TRIM2: variants seen among roughly 807,000 people sequenced by gnomAD.
The protein encoded by TRIM2 is tripartite motif-containing protein 2.
A neutral mutation model predicts 75.2 loss-of-function variants in TRIM2; 20 were observed. The observed-to-expected ratio is 0.27, with a 90% CI of 0.19 to 0.39. The LOEUF (loss-of-function observed/expected upper bound fraction) is 0.39. TRIM2 is among the 10% of genes least tolerant of loss of function. The probability of loss-of-function intolerance (pLI) is 1.00; values close to 1 mark genes in which losing one functional copy is unlikely to be tolerated. For synonymous variants in TRIM2, 373 were observed against 388.3 expected (o/e 0.96, Z 0.46); for missense variants, 660 against 990.8 (o/e 0.67, Z 4.48).
At chr4:153,169,384 T>C (rs1730623562) in intron 1 of TRIM2, among the ~76,000 whole-genome samples, 1 of 152,220 alleles carries the variant, frequency 6.6e-6, no homozygotes, top group South Asian at 2.1e-4. Context: ...TTTGCTTTAT[T>C]TAACAGTTCC....
intron 1 of TRIM2, among the ~76,000 whole-genome samples, chr4:153,268,322 T>C (rs188940545): frequency 9.7e-4 from 147 of 152,148 alleles, no homozygotes; most frequent in African/African-American, 3.3e-3. Flanking sequence ...AAAGGGAGAC[T>C]GGTCCTTAGG....
Position 153,338,893 on chromosome 4 carries a change from G to A in TRIM2, c.*3927G>A. The A allele has an allele frequency of 1.0e-6, 1 of 984,780 alleles. No homozygotes were observed. The highest frequency in any genetic ancestry group is 1.2e-6 in the Non-Finnish European group (1 of 829,708). The allele number at this position is 984,780 out of a possible 1,614,324, so 61.0% of individuals were successfully genotyped here. The stretch of plus-strand genomic sequence containing the variant: ...ATCAATGGAGTGTATTCTTGTAATA[G>A]AATTCTTTATATCGTTCTCAATTCT... On this transcript the variant is annotated 3_prime_UTR_variant, in exon 12 of 12. Transcript: ENST00000338700.
rs745973166 is a variant in TRIM2, at chr4:153,295,706, G to A, written c.1180G>A (p.Ala394Thr). 1.2e-6 allele frequency: 2 copies of A among 1,613,874 alleles called. No homozygotes were observed. Among genetic ancestry groups the A allele is most frequent in the Non-Finnish European group, 1.7e-6 (2 of 1,179,920 alleles). ...CAAAACCGGCAACGCCTACCTCACC[G>A]CCGAACTGAGCACCCCCGACGGGAG... The part of the protein sequence containing the change: ...LCKTGNAYLT[A>T]ELSTPDGSVA... Residue 394 changes from alanine to threonine, a missense_variant, in exon 6 of 12, where the codon GCC becomes ACC. Transcript: ENST00000338700. This position sits in a 1 kb window ranked among gnomAD's most constrained non-coding sequence, Gnocchi z 7.2.
chr4:153,243,950 C>T (rs945039743), intron 1 of TRIM2, among the ~76,000 whole-genome samples: 8 of 151,886 alleles, frequency 5.3e-5, no homozygotes, highest in Non-Finnish European at 1.2e-4. Context: ...TCCCAAGTAG[C>T]TGGGACCACA....
chr4:153,280,851 A>T lies in TRIM2; in HGVS notation c.453+4721A>T, dbSNP rs146948809. Among the ~76,000 whole-genome samples the T allele has an allele frequency of 2.9e-3, 446 of 152,056 alleles. 2 individuals carry two copies. Among genetic ancestry groups the T allele is most frequent in the African/African-American group, 9.6e-3 (399 of 41,486 alleles). On this transcript the variant is annotated intron_variant, in intron 3 of 11. Transcript: ENST00000338700. ...AGATGCCCGCCACCAAACTTGGCTA[A>T]TTTTTTGTGTTTTTAGTAGAGATGG... is the stretch of plus-strand genomic sequence containing the variant.
chr4:153,284,170 C>T (rs1348940894), intron 3 of TRIM2, among the ~76,000 whole-genome samples: 3 of 148,952 alleles, frequency 2.0e-5, no homozygotes, highest in Admixed American at 6.7e-5. Context: ...TAAGCCATTG[C>T]GCCTGGCCTG....
chr4:153,292,105 A>G (rs1016599423), intron 3 of TRIM2, among the ~76,000 whole-genome samples: 2 of 152,202 alleles, frequency 1.3e-5, no homozygotes, highest in African/African-American at 4.8e-5. Context: ...TTCAAGGTCA[A>G]TACTATATTC....
At chr4:153,166,579 T>A (rs1231792513) in intron 1 of TRIM2, among the ~76,000 whole-genome samples, 1 of 149,934 alleles carries the variant, frequency 6.7e-6, no homozygotes, top group Non-Finnish European at 1.5e-5. Context: ...GAGGTCTCAC[T>A]CCACCACCCA....
chr4:153,305,224 TG>T (rs1764723428), intron 6 of TRIM2, among the ~76,000 whole-genome samples: 1 of 152,226 alleles, frequency 6.6e-6, no homozygotes, highest in South Asian at 2.1e-4. Context: ...GTGCAATTTT[TG>T]GTAAGTTGCT....
chr4:153,175,668 T>G (rs1731362294), intron 1 of TRIM2, among the ~76,000 whole-genome samples: 1 of 152,192 alleles, frequency 6.6e-6, no homozygotes, highest in African/African-American at 2.4e-5. Context: ...TTTCTCCTCT[T>G]TCTTTTTACA....
chr4:153,336,945 G>A lies in TRIM2; in HGVS notation c.*1979G>A. The stretch of plus-strand genomic sequence containing the variant: ...GAAGACACTGTTTCCTAACATCAGT[G>A]AGATACATCTTTGAATTTAAACATT... On this transcript the variant is annotated 3_prime_UTR_variant, in exon 12 of 12. Coordinates refer to ENST00000338700, the MANE Select transcript of TRIM2 (RefSeq NM_015271.5). 1.0e-6 allele frequency: 1 copy of A among 984,350 alleles called. No individual in the cohort carries two copies. Among genetic ancestry groups the A allele is most frequent in the Non-Finnish European group, 1.2e-6 (1 of 828,986 alleles). The allele number at this position is 984,350 out of a possible 1,614,324, so 61.0% of individuals were successfully genotyped here. A position where few individuals can be genotyped will look rare whatever the true frequency, so the allele number is the denominator to read the frequency against.
chr4:153,281,543 A>G (rs1201624282), intron 3 of TRIM2, among the ~76,000 whole-genome samples: 1 of 152,254 alleles, frequency 6.6e-6, no homozygotes, highest in Non-Finnish European at 1.5e-5. Flanking sequence ...AATGTTCCAG[A>G]TAAATTGCTG....
chr4:153,221,165 G>T (rs1739863904), intron 1 of TRIM2, among the ~76,000 whole-genome samples: 1 of 152,160 alleles, frequency 6.6e-6, no homozygotes, highest in Non-Finnish European at 1.5e-5. Flanking sequence ...GCAATAAAAA[G>T]TCATGAAGTA....
chr4:153,169,399 G>A lies in TRIM2; in HGVS notation c.-49+16129G>A, dbSNP rs188034336. On this transcript the variant is annotated intron_variant, in intron 1 of 11. Transcript: ENST00000437508. ...TTTGCTTTATTTAACAGTTCCCTAC[G>A]TTTGTTTTCTGGGAGACAGCAGGCT... Among the ~76,000 whole-genome samples the A allele has an allele frequency of 6.3e-4, 96 of 152,276 alleles. 1 individual carries two copies. In the Middle Eastern group the frequency reaches 0.014, roughly 22 times the overall value.
chr4:153,244,173 TCTTCTTCTCCTCCTTCTTCTTCTC>T (rs1747601893), intron 1 of TRIM2, among the ~76,000 whole-genome samples: 1 of 139,978 alleles, frequency 7.1e-6, no homozygotes, highest in East Asian at 2.3e-4. Context: ...TTCTTCTTCT[TCTTCTTCTCCTCCTTCTTCTTCTC>T]CTCCTTTTCC....
chr4:153,337,885 C>T lies in TRIM2; in HGVS notation c.*2919C>T. On this transcript the variant is annotated 3_prime_UTR_variant, in exon 12 of 12. Transcript: ENST00000338700. ...TTTCAAGGTCAGTGACGACGCATTTCCTCCCAGTACAGACCCCCCAGCCCC... is the reference window on the plus strand; with the variant it reads ...TTTCAAGGTCAGTGACGACGCATTTTCTCCCAGTACAGACCCCCCAGCCCC... 1.0e-6 allele frequency: 1 copy of T among 985,774 alleles called. No individual in the cohort carries two copies. The highest frequency in any genetic ancestry group is 1.2e-6 in the Non-Finnish European group (1 of 829,908). The allele number at this position is 985,774 out of a possible 1,614,324, so 61.1% of individuals were successfully genotyped here. A position where few individuals can be genotyped will look rare whatever the true frequency, so the allele number is the denominator to read the frequency against.
At chr4:153,304,935 T>C (rs1764670063) in intron 6 of TRIM2, among the ~76,000 whole-genome samples, 1 of 152,216 alleles carries the variant, frequency 6.6e-6, no homozygotes, top group African/African-American at 2.4e-5. Flanking sequence ...ATAGGAGATC[T>C]ATTGGAAATG....
At chr4:153,329,708 G>A (rs1288254414) in intron 11 of TRIM2, among the ~76,000 whole-genome samples, 1 of 151,854 alleles carries the variant, frequency 6.6e-6, no homozygotes, top group Non-Finnish European at 1.5e-5. Flanking sequence ...GTGGTGGCAG[G>A]CGCCTGCAAG....
At chr4:153,194,425 G>A (rs1446480463) in intron 1 of TRIM2, among the ~76,000 whole-genome samples, 1 of 151,966 alleles carries the variant, frequency 6.6e-6, no homozygotes, top group Non-Finnish European at 1.5e-5. Flanking sequence ...TTTGGTTGAT[G>A]CAACAACATG....
Sources: allele counts gnomAD v4.1 joint callset (sites outside exome capture counted in the v4.1 genomes callset), GRCh38; gene constraint gnomAD v4.1.1; non-coding constraint Gnocchi (gnomAD v3.1); transcripts MANE v1.5; gene names NCBI Gene and HGNC (gene_info 2026-07-23, HGNC 2026-07-21).